MCF2L2: variants seen among roughly 807,000 people sequenced by gnomAD.
MCF2L2 encodes probable guanine nucleotide exchange factor MCF2L2.
Under a neutral mutation model 150.2 loss-of-function variants are expected in MCF2L2, and 102 were observed. The ratio of observed to expected loss-of-function variants is 0.68; its 90% confidence interval spans 0.58 to 0.80. The LOEUF (loss-of-function observed/expected upper bound fraction) is 0.80, where lower values mean the gene tolerates loss of function less well. MCF2L2 is among the 30% of genes least tolerant of loss of function. MCF2L2 has a pLI of 0.00. For missense variants in MCF2L2, 1,256 were observed against 1,372.8 expected (o/e 0.91, Z 1.34); for synonymous variants, 465 against 491.3 (o/e 0.95, Z 0.71).
chr3:183,216,568 ATATATATATATATTTTTTTTTTTTTT>A (rs1722932365), intron 21 of MCF2L2, among the ~76,000 whole-genome samples: 6 of 7,002 alleles, frequency 8.6e-4, no homozygotes, highest in African/African-American at 2.4e-3. Flanking sequence ...ATATATATAT[ATATATATATATATTTTTTTTTTTTTT>A]TTTTTTTTTT....
At chr3:183,414,992 TG>T (rs1715513144) in intron 1 of MCF2L2, among the ~76,000 whole-genome samples, 1 of 152,244 alleles carries the variant, frequency 6.6e-6, no homozygotes, top group South Asian at 2.1e-4. Flanking sequence ...GAATGTTCCA[TG>T]TTCCTTGGAA....
In MCF2L2 at chr3:183,207,771, C is replaced by T; in HGVS notation, c.2549G>A (p.Trp850Ter). The T allele has an allele frequency of 6.2e-7, 1 of 1,614,194 alleles. No individual in the cohort carries two copies. The highest frequency in any genetic ancestry group is 1.7e-5 in the Admixed American group (1 of 60,016). ...KLLLHGPFSV[W>*]TIHKDRYKMK... ...TTTATAACGATCCTTGTGAATTGTCCAGACGCTGAAAGGGCCGTGCAGCAA... is the reference window on the plus strand; with the variant it reads ...TTTATAACGATCCTTGTGAATTGTCTAGACGCTGAAAGGGCCGTGCAGCAA... Residue 850 changes from tryptophan (W) to a stop codon, truncating the protein, a stop_gained, in exon 23 of 30, where the codon TGG becomes TAG. Transcript: ENST00000328913. LOFTEE classifies it high-confidence loss of function.
chr3:183,376,331 T>A (rs907113175), intron 3 of MCF2L2: 1 of 152,208 alleles, frequency 6.6e-6, no homozygotes, highest in Non-Finnish European at 1.5e-5. Flanking sequence ...TTTGACTGTA[T>A]CCCTGGGGAT....
At chr3:183,344,137 C>T (rs1485128858) in intron 3 of MCF2L2, among the ~76,000 whole-genome samples, 11 of 150,516 alleles carry the variant, frequency 7.3e-5, no homozygotes, top group African/African-American at 2.7e-4. Context: ...AACAAAACCA[C>T]CACCCCCCCC....
At chr3:183,332,557 A>G (rs1413094478) in intron 5 of MCF2L2, among the ~76,000 whole-genome samples, 4 of 152,196 alleles carry the variant, frequency 2.6e-5, no homozygotes, top group Non-Finnish European at 5.9e-5. Flanking sequence ...TATGTATCAT[A>G]TGTATAAAAC....
intron 22 of MCF2L2, among the ~76,000 whole-genome samples, chr3:183,213,160 A>G (rs936488828): frequency 6.6e-6 from 1 of 151,950 alleles, no homozygotes; most frequent in Non-Finnish European, 1.5e-5. Context: ...AAAAAGGAAG[A>G]CTGTTTCATT....
chr3:183,353,743 T>C (rs369583566), intron 3 of MCF2L2, among the ~76,000 whole-genome samples: 5 of 152,142 alleles, frequency 3.3e-5, no homozygotes, highest in East Asian at 3.9e-4. Context: ...GATTACAACT[T>C]GACCTGAGAT....
At position 183,181,879 on chromosome 3, in the gene MCF2L2, G is replaced by A. The variant is rs569259387; in HGVS notation, c.3017-1720C>T. Among the ~76,000 whole-genome samples, 97 of 152,282 alleles carry A rather than the reference G, an allele frequency of 6.4e-4. No homozygotes were observed. Among genetic ancestry groups the A allele is most frequent in the African/African-American group, 2.3e-3 (95 of 41,558 alleles). On this transcript the variant is annotated intron_variant, in intron 27 of 29. Transcript: ENST00000328913. This position sits in a 1 kb window ranked among gnomAD's most constrained non-coding sequence, Gnocchi z 4.3. ...GTGGGCAGGGCTGGGAGGCGACACA[G>A]GAACTGAAAAACCTGACAAGCTCTA...
chr3:183,391,916 C>G (rs536419240), intron 1 of MCF2L2, among the ~76,000 whole-genome samples: 1 of 152,080 alleles, frequency 6.6e-6, no homozygotes, highest in African/African-American at 2.4e-5. Context: ...GATATAGGAT[C>G]TTGCTCTGTC....
rs1726276048 is a variant in MCF2L2, at chr3:183,267,542, GA to G, written c.1862+9329del. Among the ~76,000 whole-genome samples, 1 of 152,234 alleles carries G rather than the reference GA, an allele frequency of 6.6e-6. No individual in the cohort carries two copies. The highest frequency in any genetic ancestry group is 2.4e-5 in the African/African-American group (1 of 41,470). On this transcript the variant is annotated intron_variant, in intron 15 of 29. Coordinates refer to ENST00000328913, the MANE Select transcript of MCF2L2 (RefSeq NM_015078.4). This position sits in a 1 kb window ranked among gnomAD's most constrained non-coding sequence, Gnocchi z 5.5. ...CAGGGGTCAACCGGCGGGGGGACTT[GA>G]GAACAGATCTCTGGGCACAAAGCAG...
chr3:183,282,200 AC>A (rs1335681299), intron 14 of MCF2L2, among the ~76,000 whole-genome samples: 1 of 146,018 alleles, frequency 6.8e-6, no homozygotes, highest in Non-Finnish European at 1.5e-5. Flanking sequence ...TTTATTTGAG[AC>A]AGAGTCTTGT....
chr3:183,396,375 T>C (rs1203376503), intron 1 of MCF2L2, among the ~76,000 whole-genome samples: 4 of 152,206 alleles, frequency 2.6e-5, no homozygotes, highest in South Asian at 4.1e-4. Flanking sequence ...TCCTCTCACA[T>C]AGCATGATGC....
At chr3:183,406,211 C>T (rs955159620) in intron 1 of MCF2L2, among the ~76,000 whole-genome samples, 4 of 152,152 alleles carry the variant, frequency 2.6e-5, no homozygotes, top group South Asian at 2.1e-4. Context: ...ACCAACAGTG[C>T]GTGTAAGATA....
At chr3:183,398,917 A>T (rs1486758886) in intron 1 of MCF2L2, among the ~76,000 whole-genome samples, 1 of 152,222 alleles carries the variant, frequency 6.6e-6, no homozygotes, top group Non-Finnish European at 1.5e-5. Context: ...AGGGAAAAAA[A>T]GAAGGCATAT....
At chr3:183,187,071 G>A (rs969837581) in intron 27 of MCF2L2, among the ~76,000 whole-genome samples, 2 of 152,134 alleles carry the variant, frequency 1.3e-5, no homozygotes, top group Admixed American at 1.3e-4. Flanking sequence ...TCTCCAGAGA[G>A]GGCTGTTTGC....
At chr3:183,375,992 C>G (rs1282906465) in intron 3 of MCF2L2, 1 of 152,162 alleles carries the variant, frequency 6.6e-6, no homozygotes, top group Non-Finnish European at 1.5e-5. Context: ...TGGAAAGGAA[C>G]AGGGGAGGGG....
chr3:183,304,269 A>C (rs146717383), intron 10 of MCF2L2, among the ~76,000 whole-genome samples: 5 of 152,334 alleles, frequency 3.3e-5, no homozygotes, highest in African/African-American at 1.2e-4. Context: ...GCTGCATCTT[A>C]GGTACTTACA....
chr3:183,264,786 T>C (rs1470001034), intron 15 of MCF2L2, among the ~76,000 whole-genome samples: 1 of 152,230 alleles, frequency 6.6e-6, no homozygotes, highest in Non-Finnish European at 1.5e-5. Context: ...CTTTGGGTGT[T>C]CTAACTAGTT....
At chr3:183,191,455 G>A (rs6804025) in intron 27 of MCF2L2, among the ~76,000 whole-genome samples, 7 of 151,928 alleles carry the variant, frequency 4.6e-5, no homozygotes, top group African/African-American at 1.5e-4. Context: ...ATCCTCAGGG[G>A]CTACTTCCAA....
Sources: gnomAD v4.1 joint callset for allele counts (sites outside exome capture counted in the v4.1 genomes callset) on GRCh38, gnomAD v4.1.1 for gene constraint, Gnocchi (gnomAD v3.1) non-coding constraint, MANE v1.5 for transcripts, NCBI Gene and HGNC (gene_info 2026-07-23, HGNC 2026-07-21) for gene names.